Variants in LRRIQ1 observed in about 807,000 individuals in gnomAD.
The protein encoded by LRRIQ1 is leucine rich repeats and IQ motif containing 1.
LRRIQ1 carries 210 observed loss-of-function variants against 211.9 expected under a neutral mutation model. The ratio of observed to expected loss-of-function variants is 0.99; its 90% CI spans 0.89 to 1.11. The LOEUF is 1.11. Among genes scored for constraint, LRRIQ1 ranks in the 50% most tolerant of loss-of-function variants. The pLI, the probability that LRRIQ1 is intolerant of heterozygous loss-of-function variation, is 0.00. For missense variants in LRRIQ1, 2,136 were observed against 1,939.5 expected (o/e 1.10, Z -1.90); for synonymous variants, 699 against 650.1 (o/e 1.08, Z -1.14).
intron 24 of LRRIQ1, among the ~76,000 whole-genome samples, chr12:85,171,621 C>A (rs530932460): frequency 6.6e-6 from 1 of 152,222 alleles, no homozygotes; most frequent in East Asian, 1.9e-4. Flanking sequence ...TTCAAAAATT[C>A]ATAGGTTGAA....
Position 85,137,952 on chromosome 12 carries a change from G to C in LRRIQ1, c.4312G>C (p.Asp1438His), listed in dbSNP as rs373789577. Residue 1438 changes from aspartate (D) to histidine (H), a missense_variant, in exon 19 of 27, where the codon GAT (aspartate) becomes CAT (histidine). Coordinates refer to ENST00000393217, the MANE Select transcript of LRRIQ1 (RefSeq NM_001079910.2). ...DEEYREIDLE[D>H]FIFDEAALEE... ...AGAATACAGAGAAATAGATTTAGAG[G>C]ATTTTATATTTGATGAAGTAAGTAC... is the stretch of plus-strand genomic sequence containing the variant. The C allele has an allele frequency of 3.4e-6, 5 of 1,458,628 alleles. No individual in the cohort carries two copies. In the Admixed American group the frequency reaches 5.5e-5, roughly 16 times the overall value. The allele number at this position is 1,458,628 out of a possible 1,614,324, so 90.4% of individuals were successfully genotyped here. A position where few individuals can be genotyped will look rare whatever the true frequency, so the allele number is the denominator to read the frequency against.
chr12:85,153,277 ACAT>A (rs1263531075), intron 21 of LRRIQ1, 132 bp downstream of exon 21: 1 of 954,376 alleles, frequency 1.0e-6, no homozygotes, highest in African/African-American at 1.7e-5. Flanking sequence ...AGTGTTAAAA[ACAT>A]CATGGTCATG....
At chr12:85,086,876 C>T (rs1269920420) in intron 11 of LRRIQ1, among the ~76,000 whole-genome samples, 1 of 151,900 alleles carries the variant, frequency 6.6e-6, no homozygotes, top group Non-Finnish European at 1.5e-5. Flanking sequence ...GCCCAGACTG[C>T]CTTACTCACT....
chr12:85,094,034 A>T (rs1885645250), intron 11 of LRRIQ1, among the ~76,000 whole-genome samples: 1 of 152,318 alleles, frequency 6.6e-6, no homozygotes, highest in Non-Finnish European at 1.5e-5. Context: ...CCTTAAAAGT[A>T]CATTTGAGAC....
At chr12:85,197,300 C>G (rs1250772206) in intron 24 of LRRIQ1, among the ~76,000 whole-genome samples, 1 of 151,562 alleles carries the variant, frequency 6.6e-6, no homozygotes, top group African/African-American at 2.4e-5. Flanking sequence ...ACTGGAAATA[C>G]CATTTGACCC....
intron 24 of LRRIQ1, among the ~76,000 whole-genome samples, chr12:85,182,215 G>C (rs1446716897): frequency 6.6e-6 from 1 of 151,818 alleles, no homozygotes. Context: ...AATATTAATA[G>C]TCATGTTCAA....
chr12:85,095,507 T>C lies in LRRIQ1; in HGVS notation c.2888-2848T>C, dbSNP rs142558170. Among the ~76,000 whole-genome samples the C allele has an allele frequency of 1.2e-3, 190 of 152,248 alleles. 1 individual carries two copies. Among genetic ancestry groups the C allele is most frequent in the Non-Finnish European group, 8.1e-4 (55 of 68,026 alleles). On this transcript the variant is annotated intron_variant, in intron 11 of 26. Transcript: ENST00000393217. Reference sequence around the variant, plus strand: ...TTACCTTTTTTTATGTGCTGCTAGATTTGGTTTGCTAGTATTTTGTTGAGG... The same window carrying C: ...TTACCTTTTTTTATGTGCTGCTAGACTTGGTTTGCTAGTATTTTGTTGAGG...
chr12:85,218,795 C>A (rs1894270138), intron 24 of LRRIQ1, among the ~76,000 whole-genome samples: 1 of 151,970 alleles, frequency 6.6e-6, no homozygotes, highest in South Asian at 2.1e-4. Flanking sequence ...ATTAATATTT[C>A]TCAGAAATGA....
intron 24 of LRRIQ1, among the ~76,000 whole-genome samples, chr12:85,226,964 T>C (rs1393414135): frequency 6.6e-6 from 1 of 152,148 alleles, no homozygotes; most frequent in Non-Finnish European, 1.5e-5. Flanking sequence ...GTCTTTGCTA[T>C]TGGGAATAGT....
chr12:85,244,816 G>C lies in LRRIQ1; in HGVS notation c.5044G>C (p.Asp1682His). 6.2e-7 allele frequency: 1 copy of C among 1,611,432 alleles called. No individual in the cohort carries two copies. The highest frequency in any genetic ancestry group is 8.5e-7 in the Non-Finnish European group (1 of 1,178,238). Residue 1682 changes from aspartate to histidine, a missense_variant, in exon 27 of 27, where the codon GAT becomes CAT. Coordinates refer to ENST00000393217, the MANE Select transcript of LRRIQ1 (RefSeq NM_001079910.2). Reference sequence around the variant, plus strand: ...AAGACTTGTAAGCAGAGAAGACACGGATTTAGACCTTTTTTCCATGACCAA... The same window carrying C: ...AAGACTTGTAAGCAGAGAAGACACGCATTTAGACCTTTTTTCCATGACCAA... ...VARLVSREDT[D>H]LDLFSMTNGS...
At chr12:85,185,193 G>A (rs1049046108) in intron 24 of LRRIQ1, among the ~76,000 whole-genome samples, 51 of 151,742 alleles carry the variant, frequency 3.4e-4, no homozygotes, top group African/African-American at 1.2e-3. Context: ...TTATACACTC[G>A]GAAAGATAGA....
chr12:85,186,858 A>C (rs976004340), intron 24 of LRRIQ1, among the ~76,000 whole-genome samples: 1 of 151,958 alleles, frequency 6.6e-6, no homozygotes, highest in Non-Finnish European at 1.5e-5. Context: ...TCTAGTATAA[A>C]GAGAGTTGAT....
chr12:85,217,508 ATGTGTGTGTG>A (rs370971727), intron 24 of LRRIQ1, among the ~76,000 whole-genome samples: 714 of 64,126 alleles, frequency 0.011, 20 homozygotes, highest in African/African-American at 0.034. Flanking sequence ...ATATATATAT[ATGTGTGTGTG>A]TGTGTGTGTG....
intron 24 of LRRIQ1, among the ~76,000 whole-genome samples, chr12:85,163,448 C>T (rs939513618): frequency 6.6e-6 from 1 of 152,168 alleles, no homozygotes; most frequent in Non-Finnish European, 1.5e-5. Context: ...TATGCCAACA[C>T]TGTCTTATAA....
At chr12:85,268,425 A>G (rs1896467648), downstream of LRRIQ1, among the ~76,000 whole-genome samples, 2 of 152,006 alleles carry the variant, frequency 1.3e-5, no homozygotes, top group African/African-American at 2.4e-5. Flanking sequence ...AAATACACCC[A>G]GAAAATGTTT....
chr12:85,092,833 G>A (rs10862955), intron 11 of LRRIQ1, among the ~76,000 whole-genome samples: 42,065 of 152,042 alleles, frequency 0.28, 5,967 homozygotes, highest in Admixed American at 0.33. Context: ...TAACCACATC[G>A]CTAAAGCAAA....
intron 21 of LRRIQ1, among the ~76,000 whole-genome samples, chr12:85,153,394 A>G (rs955009624): frequency 1.3e-5 from 2 of 151,534 alleles, no homozygotes; most frequent in Admixed American, 1.3e-4. Context: ...AAACAAGTGG[A>G]TCTTTAAATA....
At chr12:85,243,001 A>G (rs898852139) in intron 26 of LRRIQ1, among the ~76,000 whole-genome samples, 3 of 151,650 alleles carry the variant, frequency 2.0e-5, no homozygotes, top group Non-Finnish European at 3.0e-5. Context: ...TGGGAATTCT[A>G]CTTTCTAAAT....
At chr12:85,204,722 AT>A (rs58736312) in intron 24 of LRRIQ1, among the ~76,000 whole-genome samples, 21,953 of 152,028 alleles carry the variant, frequency 0.14, 3,141 homozygotes, top group African/African-American at 0.37. Context: ...TATTTTCCCA[AT>A]ATCTGTACCC....
Sources: gnomAD v4.1 joint callset for allele counts (sites outside exome capture counted in the v4.1 genomes callset) on GRCh38, gnomAD v4.1.1 for gene constraint, MANE v1.5 for transcripts, NCBI Gene and HGNC (gene_info 2026-07-23, HGNC 2026-07-21) for gene names.